Variants in SLF1 observed in about 807,000 individuals in gnomAD.
SLF1 encodes SMC5-SMC6 complex localization factor protein 1.
Under a neutral mutation model 123.0 loss-of-function variants are expected in SLF1, and 105 were observed. That is an observed-to-expected ratio of 0.85 (90% confidence interval 0.73 to 1.00). The LOEUF is 1.00. Ranked by LOEUF, SLF1 falls within the 50% of genes least tolerant of loss-of-function variation. The pLI is 0.00. For missense variants in SLF1, 1,239 were observed against 1,223.0 expected (o/e 1.01, Z -0.20); for synonymous variants, 434 against 406.6 (o/e 1.07, Z -0.81).
At chr5:94,661,167 A>G (rs2152484722) in intron 9 of SLF1, among the ~76,000 whole-genome samples, 2 of 152,252 alleles carry the variant, frequency 1.3e-5, no homozygotes, top group East Asian at 3.9e-4. Flanking sequence ...AATGCCATTG[A>G]GTGGACTCCA....
chr5:94,621,985 C>G (rs928460275), intron 1 of SLF1, among the ~76,000 whole-genome samples: 2 of 151,996 alleles, frequency 1.3e-5, no homozygotes, highest in African/African-American at 4.8e-5. Context: ...AAAAAAAAGT[C>G]TGAAGGCCAG....
At chr5:94,678,995 G>C in intron 15 of SLF1, 40 bp downstream of exon 15, 1 of 1,592,994 alleles carries the variant, frequency 6.3e-7, no homozygotes. Flanking sequence ...GACCCATTCT[G>C]GAAATTAGTT....
intron 7 of SLF1, among the ~76,000 whole-genome samples, chr5:94,652,882 A>C (rs1312028316): frequency 1.3e-5 from 2 of 152,012 alleles, no homozygotes; most frequent in Non-Finnish European, 2.9e-5. Context: ...TTTGAGATGG[A>C]GTTTCACTCT....
intron 4 of SLF1, among the ~76,000 whole-genome samples, chr5:94,632,916 C>T (rs1172605213): frequency 1.3e-5 from 2 of 151,898 alleles, no homozygotes; most frequent in Non-Finnish European, 2.9e-5. Flanking sequence ...GTCTTGATCT[C>T]CTGACCTCGT....
chr5:94,681,486 CTTTTTTA>C (rs1461818208), intron 15 of SLF1, among the ~76,000 whole-genome samples: 2 of 152,190 alleles, frequency 1.3e-5, no homozygotes, highest in East Asian at 1.9e-4. Flanking sequence ...TTTCTATTTT[CTTTTTTA>C]TTTTTTATTT....
intron 1 of SLF1, among the ~76,000 whole-genome samples, chr5:94,624,066 C>T (rs1347009649): frequency 1.3e-5 from 2 of 152,050 alleles, no homozygotes; most frequent in African/African-American, 2.4e-5. Context: ...TATTTTGGGC[C>T]GTCACTGGGA....
At chr5:94,678,209 C>A (rs1213854666) in intron 14 of SLF1, among the ~76,000 whole-genome samples, 1 of 152,084 alleles carries the variant, frequency 6.6e-6, no homozygotes, top group South Asian at 2.1e-4. Context: ...CGTGAGCCAC[C>A]GCGCCCGGCC....
rs1412532502 is a variant in SLF1 at position 94,662,328 on chromosome 5, A to G, written c.1186A>G (p.Lys396Glu). ...AVRYNCIRID[K>E]QPVYNVEVKN... ...CAGATACAACTGCATTAGAATAGAT[A>G]AACAACCAGTGTACAACGTAGAGGT... is the stretch of plus-strand genomic sequence containing the variant. Residue 396 changes from lysine (K) to glutamate (E), a missense_variant, in exon 10 of 21, where the codon AAA becomes GAA. Lys to Glu is a moderately conservative substitution (Grantham distance 56). Transcript: ENST00000265140. 5.2e-6 allele frequency: 8 copies of G among 1,550,032 alleles called. No individual in the cohort carries two copies. The highest frequency in any genetic ancestry group is 1.4e-5 in the African/African-American group (1 of 73,024).
chr5:94,673,630 C>T (rs976678000), intron 14 of SLF1, among the ~76,000 whole-genome samples: 10 of 147,700 alleles, frequency 6.8e-5, no homozygotes, highest in African/African-American at 2.3e-4. Context: ...TTGGAGGCTG[C>T]AGTGAGCTAT....
intron 2 of SLF1, 27 bp downstream of exon 2, chr5:94,628,951 A>G (rs772779236): frequency 6.8e-7 from 1 of 1,481,094 alleles, no homozygotes; most frequent in South Asian, 1.3e-5. Flanking sequence ...AATGTTCAAG[A>G]TATATTTGAA....
At chr5:94,634,612 T>C (rs1002088050) in intron 4 of SLF1, among the ~76,000 whole-genome samples, 2 of 152,208 alleles carry the variant, frequency 1.3e-5, no homozygotes, top group African/African-American at 4.8e-5. Context: ...AACTTGACTG[T>C]CGTGAATAAT....
At chr5:94,639,013 TTCTCA>T (rs1197114178) in intron 4 of SLF1, among the ~76,000 whole-genome samples, 2 of 151,448 alleles carry the variant, frequency 1.3e-5, no homozygotes, top group South Asian at 2.1e-4. Context: ...GTTTATTTTT[TTCTCA>T]TCTCTTTTCT....
In SLF1 at chr5:94,640,972, G is replaced by T. The variant is rs1174632693; in HGVS notation, c.432-2301G>T. ...CTGTTGATTCCTTTCTCTTAACAGTGGTTTGGTTTTCTTCTTGCCTATTTT... is the reference window on the plus strand; with the variant it reads ...CTGTTGATTCCTTTCTCTTAACAGTTGTTTGGTTTTCTTCTTGCCTATTTT... On this transcript the variant is annotated intron_variant, in intron 4 of 20. Coordinates refer to ENST00000265140, the MANE Select transcript of SLF1 (RefSeq NM_032290.4). Among the ~76,000 whole-genome samples, 3 of 152,044 alleles carry T rather than the reference G, an allele frequency of 2.0e-5. No homozygotes were observed. The East Asian group carries it at 5.8e-4, about 29-fold the overall frequency.
chr5:94,677,762 ACTT>A (rs1478890063), intron 14 of SLF1, among the ~76,000 whole-genome samples: 1 of 152,164 alleles, frequency 6.6e-6, no homozygotes, highest in African/African-American at 2.4e-5. Flanking sequence ...TCATTTTCAC[ACTT>A]CTTCATCTTC....
chr5:94,691,574 C>T lies in SLF1; in HGVS notation c.2430C>T (p.Ala810=), dbSNP rs773342958. The change falls in exon 19 of 21, where the codon GCC becomes GCT. Residue 810 remains alanine, a synonymous_variant. Coordinates refer to ENST00000265140, the MANE Select transcript of SLF1 (RefSeq NM_032290.4). The stretch of plus-strand genomic sequence containing the variant: ...AATTTTTTATGGCAGGAGAAACAGC[C>T]CTGCATAGAGCTTGCATAAATAACC... ...FHKTNLKGET[A]LHRACINNQV... 1.1e-5 allele frequency: 18 copies of T among 1,608,736 alleles called. No individual in the cohort carries two copies. The highest frequency in any genetic ancestry group is 1.4e-5 in the Non-Finnish European group (17 of 1,178,558).
At chr5:94,656,409 T>G (rs1262891827) in intron 9 of SLF1, among the ~76,000 whole-genome samples, 1 of 151,966 alleles carries the variant, frequency 6.6e-6, no homozygotes. Context: ...TTGTTAAGGA[T>G]TTTTGCATCT....
intron 11 of SLF1, among the ~76,000 whole-genome samples, chr5:94,665,606 A>G (rs1477622769): frequency 6.6e-6 from 1 of 152,098 alleles, no homozygotes; most frequent in East Asian, 1.9e-4. Context: ...AAAATTAGCC[A>G]GGCATGGTGG....
In SLF1 at chr5:94,671,397, C is replaced by T. The variant is rs1347170931; in HGVS notation, c.1827+389C>T. Among the ~76,000 whole-genome samples the T allele has an allele frequency of 3.3e-5, 5 of 151,008 alleles. No homozygotes were observed. In the South Asian group the frequency reaches 8.3e-4, roughly 25 times the overall value. On this transcript the variant is annotated intron_variant, in intron 14 of 20. Transcript: ENST00000265140. ...TTTATTAGTATTATTTTAAAACTAC[C>T]TCTTTTGATGTTGAGTTATTTTCTG...
Position 94,648,126 on chromosome 5 carries a change from C to A in SLF1, c.595-1328C>A, listed in dbSNP as rs528129210. On this transcript the variant is annotated intron_variant, in intron 5 of 20. Transcript: ENST00000265140. ...ATTACCAACCATGTAAAATTTAATGCCAGGTACTCATTTCCCCCCACCTGC... is the reference window on the plus strand; with the variant it reads ...ATTACCAACCATGTAAAATTTAATGACAGGTACTCATTTCCCCCCACCTGC... Among the ~76,000 whole-genome samples the A allele has an allele frequency of 2.6e-5, 4 of 152,238 alleles. No individual in the cohort carries two copies. The East Asian group carries it at 7.7e-4, about 29-fold the overall frequency.
Sources: allele counts gnomAD v4.1 joint callset (sites outside exome capture counted in the v4.1 genomes callset), GRCh38; gene constraint gnomAD v4.1.1; transcripts MANE v1.5; gene names NCBI Gene and HGNC (gene_info 2026-07-23, HGNC 2026-07-21).